CDC42SE2: variants seen among roughly 807,000 people sequenced by gnomAD.
CDC42SE2 encodes the protein CDC42 small effector protein 2.
A neutral mutation model predicts 11.5 loss-of-function variants in CDC42SE2; 3 were observed. That is an observed-to-expected ratio of 0.26 (90% CI 0.12 to 0.67). The LOEUF is 0.67. Among genes scored for constraint, CDC42SE2 ranks in the 30% least tolerant of loss-of-function variants. The probability of loss-of-function intolerance (pLI) is 0.80; values close to 1 mark genes in which losing one functional copy is unlikely to be tolerated. For missense variants in CDC42SE2, 82 were observed against 106.8 expected, an observed-to-expected ratio of 0.77 and a Z score of 1.02; for synonymous variants, 33 against 34.8, an observed-to-expected ratio of 0.95 and a Z score of 0.18.
intron 1 of CDC42SE2, among the ~76,000 whole-genome samples, chr5:131,249,440 G>A (rs1037992700): frequency 6.6e-6 from 1 of 152,102 alleles, no homozygotes; most frequent in African/African-American, 2.4e-5. Flanking sequence ...ATTAACCAAT[G>A]AAACAGAATG....
intron 4 of CDC42SE2, among the ~76,000 whole-genome samples, chr5:131,387,694 GT>G (rs1373198826): frequency 1.3e-5 from 2 of 152,104 alleles, no homozygotes; most frequent in East Asian, 3.9e-4. Flanking sequence ...GCTTCTCATA[GT>G]TTAGGTAGAA....
At chr5:131,269,044 A>G (rs1756938143) in intron 1 of CDC42SE2, among the ~76,000 whole-genome samples, 2 of 152,088 alleles carry the variant, frequency 1.3e-5, no homozygotes, top group South Asian at 4.2e-4. Flanking sequence ...CCACCGTGCC[A>G]GGCGAGGAAT....
intron 2 of CDC42SE2, among the ~76,000 whole-genome samples, chr5:131,324,580 G>A (rs1466393850): frequency 6.6e-6 from 1 of 152,170 alleles, no homozygotes; most frequent in Non-Finnish European, 1.5e-5. Context: ...GCAGGCACTG[G>A]TCTCATGTGG....
chr5:131,328,526 G>T (rs1758343809), intron 2 of CDC42SE2, among the ~76,000 whole-genome samples: 1 of 152,000 alleles, frequency 6.6e-6, no homozygotes, highest in Non-Finnish European at 1.5e-5. Flanking sequence ...CCTGGATATT[G>T]TCTGTTTTAC....
At chr5:131,299,987 C>G (rs1233779263) in intron 1 of CDC42SE2, among the ~76,000 whole-genome samples, 1 of 152,030 alleles carries the variant, frequency 6.6e-6, no homozygotes, top group African/African-American at 2.4e-5. Context: ...TCTATCCTAC[C>G]CAGCCTGTCA....
At position 131,392,050 on chromosome 5, in the gene CDC42SE2, A is replaced by C. The variant is rs553446640; in HGVS notation, c.*959A>C. The C allele has an allele frequency of 6.6e-6, 1 of 152,648 alleles. No individual in the cohort carries two copies. The highest frequency in any genetic ancestry group is 2.1e-4 in the South Asian group (1 of 4,826). 9.5% of individuals were successfully genotyped at this position (152,648 alleles called of 1,614,324 possible). A position where few individuals can be genotyped will look rare whatever the true frequency, so the allele number is the denominator to read the frequency against. On this transcript the variant is annotated 3_prime_UTR_variant, in exon 5 of 5. Coordinates refer to ENST00000505065, the MANE Select transcript of CDC42SE2 (RefSeq NM_001375635.1). ...CATGCATGCCTTTGGACTCATGGACAGAGTTCTTTGGATTGTCACTGAATT... is the reference window on the plus strand; with the variant it reads ...CATGCATGCCTTTGGACTCATGGACCGAGTTCTTTGGATTGTCACTGAATT...
chr5:131,229,919 G>C, the CDC42SE2 span, among the ~76,000 whole-genome samples: 1 of 152,314 alleles, frequency 6.6e-6, no homozygotes, highest in East Asian at 1.9e-4. Context: ...GGGTGAGAGA[G>C]CAAGACCTTG....
intron 3 of CDC42SE2, among the ~76,000 whole-genome samples, chr5:131,376,345 G>A (rs754844347): frequency 1.2e-4 from 18 of 152,126 alleles, no homozygotes; most frequent in Non-Finnish European, 2.6e-4. Flanking sequence ...GAGGATCCCA[G>A]ATTTGAAGGG....
chr5:131,316,932 A>C (rs1043232560), intron 2 of CDC42SE2, among the ~76,000 whole-genome samples: 1 of 152,032 alleles, frequency 6.6e-6, no homozygotes, highest in African/African-American at 2.4e-5. Flanking sequence ...ACACATTTCT[A>C]CTTGATCATG....
chr5:131,335,505 C>T (rs1001484634), intron 2 of CDC42SE2, among the ~76,000 whole-genome samples: 3 of 152,152 alleles, frequency 2.0e-5, no homozygotes, highest in African/African-American at 7.2e-5. Flanking sequence ...GAGCTGAGTT[C>T]AATTCCTGGA....
At chr5:131,247,244 C>A (rs1232832556) in intron 1 of CDC42SE2, among the ~76,000 whole-genome samples, 1 of 152,024 alleles carries the variant, frequency 6.6e-6, no homozygotes, top group Non-Finnish European at 1.5e-5. Flanking sequence ...ATCCTACAAC[C>A]AATAGTTTAA....
chr5:131,305,306 G>A (rs911970673), intron 1 of CDC42SE2, among the ~76,000 whole-genome samples: 2 of 152,196 alleles, frequency 1.3e-5, no homozygotes, highest in African/African-American at 4.8e-5. Context: ...CAATGTAAAT[G>A]TGGCAGAATT....
chr5:131,357,564 C>T (rs1401313656), intron 2 of CDC42SE2, among the ~76,000 whole-genome samples: 1 of 152,156 alleles, frequency 6.6e-6, no homozygotes. Context: ...CTATAGTTGG[C>T]AAAGCTTATA....
chr5:131,322,685 C>T (rs1738738014), intron 2 of CDC42SE2, among the ~76,000 whole-genome samples: 1 of 152,000 alleles, frequency 6.6e-6, no homozygotes, highest in Non-Finnish European at 1.5e-5. Flanking sequence ...GTTTGTTTAT[C>T]TGTTCTTCTG....
At chr5:131,368,422 C>T (rs1749925246) in intron 3 of CDC42SE2, among the ~76,000 whole-genome samples, 2 of 152,112 alleles carry the variant, frequency 1.3e-5, no homozygotes. Context: ...TGCATTAATA[C>T]TGTTTTGATA....
intron 1 of CDC42SE2, among the ~76,000 whole-genome samples, chr5:131,266,440 G>A (rs1412214950): frequency 1.3e-5 from 2 of 150,778 alleles, no homozygotes; most frequent in Non-Finnish European, 3.0e-5. Flanking sequence ...TGGACTTACC[G>A]GCTATTAGCT....
the CDC42SE2 span, among the ~76,000 whole-genome samples, chr5:131,217,349 A>T: frequency 2.0e-5 from 3 of 152,204 alleles, no homozygotes; most frequent in Non-Finnish European, 2.9e-5. Flanking sequence ...CAAAGAAATT[A>T]ATTTTCCTAT....
upstream of CDC42SE2, among the ~76,000 whole-genome samples, chr5:131,262,417 A>AT (rs1177087117): frequency 6.6e-6 from 1 of 151,820 alleles, no homozygotes; most frequent in Non-Finnish European, 1.5e-5. Flanking sequence ...TTTAAAATAA[A>AT]AAAAATTGGT....
At chr5:131,376,991 C>T (rs941378819) in intron 3 of CDC42SE2, among the ~76,000 whole-genome samples, 1 of 152,028 alleles carries the variant, frequency 6.6e-6, no homozygotes, top group Non-Finnish European at 1.5e-5. Flanking sequence ...ATTTATATTA[C>T]TTTGGGTATA....
Sources: allele counts gnomAD v4.1 joint callset (sites outside exome capture counted in the v4.1 genomes callset), GRCh38; gene constraint gnomAD v4.1.1; transcripts MANE v1.5; gene names NCBI Gene and HGNC (gene_info 2026-07-23, HGNC 2026-07-21).